Variants in DCHS2 observed in about 807,000 individuals in gnomAD.
DCHS2 encodes dachsous cadherin-related 2.
Under a neutral mutation model 182.4 loss-of-function variants are expected in DCHS2, and 142 were observed. The observed-to-expected ratio is 0.78, with a 90% CI of 0.68 to 0.89. The LOEUF (loss-of-function observed/expected upper bound fraction) is 0.89, where lower values mean the gene tolerates loss of function less well. Ranked by LOEUF, DCHS2 falls within the 40% of genes least tolerant of loss-of-function variation. DCHS2 has a pLI of 0.00. For missense variants in DCHS2, 4,319 were observed against 4,198.6 expected (o/e 1.03, Z -0.79); for synonymous variants, 1,740 against 1,663.3 (o/e 1.05, Z -1.12).
At chr4:154,255,173 A>G (rs139469999) in intron 16 of DCHS2, among the ~76,000 whole-genome samples, 20 of 152,324 alleles carry the variant, frequency 1.3e-4, no homozygotes, top group African/African-American at 4.6e-4. Flanking sequence ...AAACAATAAC[A>G]ACAAACACCT....
At chr4:154,289,851 T>C (rs1298405328) in intron 13 of DCHS2, among the ~76,000 whole-genome samples, 1 of 152,066 alleles carries the variant, frequency 6.6e-6, no homozygotes, top group Non-Finnish European at 1.5e-5. Context: ...TTTCAATTCA[T>C]GCTGAAAAAG....
At chr4:154,406,512 A>G (rs1732407124) in intron 1 of DCHS2, among the ~76,000 whole-genome samples, 1 of 152,218 alleles carries the variant, frequency 6.6e-6, no homozygotes, top group African/African-American at 2.4e-5. Context: ...TGGGAGGACA[A>G]GTCCAGTATT....
chr4:154,318,052 T>C (rs1489683290), intron 9 of DCHS2, among the ~76,000 whole-genome samples: 1 of 152,146 alleles, frequency 6.6e-6, no homozygotes. Context: ...ATTGGTACCA[T>C]ATCCTACCCT....
intron 13 of DCHS2, 87 bp downstream of exon 13, chr4:154,297,764 G>T (rs563805515): frequency 4.6e-6 from 7 of 1,512,146 alleles, no homozygotes; most frequent in South Asian, 2.7e-5. Context: ...AACTGAATGC[G>T]CAATGGCACT....
chr4:154,431,135 A>G (rs1478863328), intron 1 of DCHS2, among the ~76,000 whole-genome samples: 1 of 152,204 alleles, frequency 6.6e-6, no homozygotes, highest in Non-Finnish European at 1.5e-5. Context: ...ATTGCATTGC[A>G]TCTAAAGATC....
intron 1 of DCHS2, among the ~76,000 whole-genome samples, chr4:154,459,317 T>G (rs1734908769): frequency 6.6e-6 from 1 of 152,074 alleles, no homozygotes; most frequent in African/African-American, 2.4e-5. Context: ...TTTGCCCAAG[T>G]GATAAAACTC....
chr4:154,349,513 T>C (rs536202209), intron 3 of DCHS2, among the ~76,000 whole-genome samples: 1 of 152,256 alleles, frequency 6.6e-6, no homozygotes, highest in Non-Finnish European at 1.5e-5. Flanking sequence ...TTACAGACTG[T>C]GTTTCTATGT....
chr4:154,376,065 G>C (rs1730876569), intron 2 of DCHS2, among the ~76,000 whole-genome samples: 1 of 152,042 alleles, frequency 6.6e-6, no homozygotes. Flanking sequence ...TTTCTAAAAA[G>C]GCAGGGATGG....
intron 1 of DCHS2, among the ~76,000 whole-genome samples, chr4:154,386,769 GAA>G (rs977963610): frequency 1.3e-5 from 2 of 152,124 alleles, no homozygotes; most frequent in Non-Finnish European, 2.9e-5. Context: ...GCACGTTTAA[GAA>G]ATAAACTTTA....
chr4:154,445,297 T>A (rs1734234448), intron 1 of DCHS2, among the ~76,000 whole-genome samples: 1 of 152,366 alleles, frequency 6.6e-6, no homozygotes, highest in East Asian at 1.9e-4. Context: ...AAATCAATCT[T>A]GTCTTCATGC....
intron 1 of DCHS2, among the ~76,000 whole-genome samples, chr4:154,442,912 T>C (rs1734097889): frequency 1.3e-5 from 2 of 152,038 alleles, no homozygotes; most frequent in Non-Finnish European, 2.9e-5. Flanking sequence ...AAAAAACTCC[T>C]GTCTCCCAGT....
Position 154,237,040 on chromosome 4 carries a change from C to G in DCHS2, c.7612G>C (p.Gly2538Arg), listed in dbSNP as rs773711092. The G allele has an allele frequency of 6.2e-7, 1 of 1,613,952 alleles. No homozygotes were observed. Among genetic ancestry groups the G allele is most frequent in the Non-Finnish European group, 8.5e-7 (1 of 1,179,928 alleles). ...GCATAATTGTTCATATCTTCTATTC[C>G]TATCTCCACTAAAGTAAGAGCTCTC... ...DLRALTLVEI[G>R]IEDMNNYAPE... Residue 2538 changes from glycine (G) to arginine (R), a missense_variant, in exon 20 of 20, where the codon GGA (glycine) becomes CGA (arginine). Coordinates refer to ENST00000357232, the MANE Select transcript of DCHS2 (RefSeq NM_001358235.2).
intron 1 of DCHS2, among the ~76,000 whole-genome samples, chr4:154,392,906 T>C (rs1042870532): frequency 1.3e-5 from 2 of 152,218 alleles, no homozygotes; most frequent in African/African-American, 2.4e-5. Flanking sequence ...TTGAGTCTTA[T>C]CACTTCATTG....
intron 10 of DCHS2, among the ~76,000 whole-genome samples, chr4:154,307,795 C>T (rs1469632137): frequency 6.6e-6 from 1 of 152,126 alleles, no homozygotes; most frequent in African/African-American, 2.4e-5. Context: ...CATAATCACC[C>T]CTCTTCCATT....
chr4:154,484,386 T>G (rs1728503154), intron 1 of DCHS2, among the ~76,000 whole-genome samples: 1 of 65,382 alleles, frequency 1.5e-5, no homozygotes, highest in African/African-American at 4.2e-5. Context: ...TTCACAAACC[T>G]CCCATTATCT....
At chr4:154,334,609 A>C in intron 4 of DCHS2, 1 of 396,042 alleles carries the variant, frequency 2.5e-6, no homozygotes, top group South Asian at 3.5e-5. Flanking sequence ...TATAGGAGAC[A>C]TATATTTTGT....
Position 154,489,580 on chromosome 4 carries a change from CAGGGAGCCGAGATTG to C in DCHS2, c.1761_1775del (p.Cys587_Leu592delinsTrp). The C allele has an allele frequency of 3.9e-6, 6 of 1,550,666 alleles. No homozygotes were observed. The highest frequency in any genetic ancestry group is 5.2e-6 in the Non-Finnish European group (6 of 1,146,346). ...CTGCGGTGTGGACCATCTTTGATTGCAGGGAGCCGAGATTGCAGGGAGCCGAGAGTTGGACTACAG... is the reference window on the plus strand; with the variant it reads ...CTGCGGTGTGGACCATCTTTGATTGCCAGGGAGCCGAGAGTTGGACTACAG... On this transcript the variant is annotated inframe_deletion, in exon 1 of 20. Transcript: ENST00000357232.
intron 1 of DCHS2, among the ~76,000 whole-genome samples, chr4:154,393,645 C>A (rs1196882581): frequency 6.6e-6 from 1 of 151,918 alleles, no homozygotes; most frequent in Non-Finnish European, 1.5e-5. Context: ...ATGTCATATG[C>A]TAGTCTAATC....
rs1454042980 is a variant in DCHS2, at chr4:154,322,508, A to C, written c.4019-20T>G. On this transcript the variant is annotated intron_variant, in intron 7 of 19. Transcript: ENST00000357232. ...TATCTTCTACACACACAAGAAAATT[A>C]AGAAATGAATGTTAATTGACAATGC... The C allele has an allele frequency of 6.3e-7, 1 of 1,578,556 alleles. No homozygotes were observed. The highest frequency in any genetic ancestry group is 2.3e-5 in the East Asian group (1 of 44,240).
Sources: gnomAD v4.1 joint callset for allele counts (sites outside exome capture counted in the v4.1 genomes callset) on GRCh38, gnomAD v4.1.1 for gene constraint, MANE v1.5 for transcripts, NCBI Gene and HGNC (gene_info 2026-07-23, HGNC 2026-07-21) for gene names.